Variants in MS4A15 observed in about 807,000 individuals in gnomAD.
The protein encoded by MS4A15 is membrane-spanning 4-domains subfamily A member 15.
In MS4A15, 22 loss-of-function variants were observed where a neutral mutation model predicts 20.6. That is an observed-to-expected ratio of 1.07 (90% confidence interval 0.76 to 1.52). The LOEUF (loss-of-function observed/expected upper bound fraction) is 1.52, where lower values mean the gene tolerates loss of function less well. Among genes scored for constraint, MS4A15 ranks in the 40% most tolerant of loss-of-function variants. The pLI, the probability that MS4A15 is intolerant of heterozygous loss-of-function variation, is 0.00. For missense variants in MS4A15, 312 were observed against 323.0 expected (o/e 0.97, Z 0.26); for synonymous variants, 129 against 129.3 (o/e 1.00, Z 0.02).
Position 60,767,587 on chromosome 11 carries a change from A to G in MS4A15, c.280A>G (p.Met94Val), listed in dbSNP as rs988684191. The change falls in exon 3 of 7, where the codon ATG (methionine) becomes GTG (valine). Residue 94 changes from methionine (M) to valine (V), a missense_variant. By Grantham distance (21) the Met-to-Val change is conservative. Transcript: ENST00000405633. ...CCTAGGCTTTGGCAGCGTGCTGCTC[A>G]TGGTTCGCCGCGGCCACGTGGGCAT... Reference protein sequence around the residue: ...IHLGFGSVLLMVRRGHVGIFF... With the variant: ...IHLGFGSVLLVVRRGHVGIFF... The G allele has an allele frequency of 5.1e-6, 8 of 1,556,380 alleles. No homozygotes were observed. Among genetic ancestry groups the G allele is most frequent in the Non-Finnish European group, 7.0e-6 (8 of 1,149,326 alleles).
chr11:60,759,979 A>C (rs1342795718), intron 1 of MS4A15, among the ~76,000 whole-genome samples: 1 of 152,152 alleles, frequency 6.6e-6, no homozygotes, highest in Non-Finnish European at 1.5e-5. Flanking sequence ...AGTTCCTCGC[A>C]TGCTGAGTGT....
intron 2 of MS4A15, among the ~76,000 whole-genome samples, chr11:60,765,153 G>A (rs1418285396): frequency 1.3e-5 from 2 of 152,012 alleles, no homozygotes; most frequent in Non-Finnish European, 2.9e-5. Flanking sequence ...GCCTTATTTG[G>A]GCATAGTCTG....
At chr11:60,765,340 T>C (rs1853858791) in intron 2 of MS4A15, among the ~76,000 whole-genome samples, 1 of 152,072 alleles carries the variant, frequency 6.6e-6, no homozygotes, top group Admixed American at 6.5e-5. Context: ...TATACACACA[T>C]ATGTAGATTC....
In MS4A15 at chr11:60,775,619, G is replaced by A. The variant is rs1854172487; in HGVS notation, c.627G>A (p.Leu209=). ...TTTCTTTGCAGCCTGTGATCTTCCT[G>A]CCAAACGCCTTCAGCGCAGACTTCA... is the stretch of plus-strand genomic sequence containing the variant. The part of the protein sequence containing the change: ...HAQASAPVIF[L]PNAFSADFNI... Residue 209 remains leucine, a synonymous_variant, in exon 7 of 7, where the codon CTG becomes CTA. Transcript: ENST00000405633. The A allele has an allele frequency of 1.2e-6, 2 of 1,613,824 alleles. No individual in the cohort carries two copies. The highest frequency in any genetic ancestry group is 1.7e-6 in the Non-Finnish European group (2 of 1,179,878).
chr11:60,759,695 C>T (rs866714869), intron 1 of MS4A15, among the ~76,000 whole-genome samples: 2 of 152,064 alleles, frequency 1.3e-5, no homozygotes, highest in East Asian at 3.9e-4. Flanking sequence ...TGGCTGGAGG[C>T]GAGATATGCT....
rs777984348 is a variant in MS4A15 at position 60,773,342 on chromosome 11, C to T, written c.406-50C>T. 7.3e-6 allele frequency: 11 copies of T among 1,516,232 alleles called. No homozygotes were observed. In the East Asian group the frequency reaches 9.5e-5, roughly 13 times the overall value. The allele number at this position is 1,516,232 out of a possible 1,614,324, so 93.9% of individuals were successfully genotyped here. ...AGCTGAGCCACAGCCCCTGCCTTTTCTCCTTCTCTTTGCCTATTCCCTCTG... is the reference window on the plus strand; with the variant it reads ...AGCTGAGCCACAGCCCCTGCCTTTTTTCCTTCTCTTTGCCTATTCCCTCTG... On this transcript the variant is annotated intron_variant, in intron 4 of 6. Transcript: ENST00000405633.
chr11:60,763,756 A>G lies in MS4A15; in HGVS notation c.23A>G (p.Asn8Ser). 1 of 1,612,150 alleles carries G rather than the reference A, an allele frequency of 6.2e-7. No individual in the cohort carries two copies. Among genetic ancestry groups the G allele is most frequent in the Non-Finnish European group, 8.5e-7 (1 of 1,179,880 alleles). Residue 8 changes from asparagine (N) to serine (S), a missense_variant, in exon 2 of 7, where the codon AAT becomes AGT. Coordinates refer to ENST00000405633, the MANE Select transcript of MS4A15 (RefSeq NM_001098835.2). ...ACGATGTCTGCAGCTCCCGCCAGCA[A>G]TGGAGTGTTTGTTGTCATCCCGCCA... MSAAPAS[N>S]GVFVVIPPNN...
chr11:60,760,281 A>C (rs1296099162), intron 1 of MS4A15, among the ~76,000 whole-genome samples: 1 of 152,254 alleles, frequency 6.6e-6, no homozygotes, highest in Non-Finnish European at 1.5e-5. Context: ...GAACGCCTGC[A>C]GTCTTAAACA....
intron 5 of MS4A15, 117 bp downstream of exon 5, chr11:60,773,601 C>T (rs1417385160): frequency 1.1e-6 from 1 of 894,320 alleles, no homozygotes; most frequent in Non-Finnish European, 1.8e-6. Flanking sequence ...CTGCCAGTCC[C>T]TATAGACCCC....
In MS4A15 at chr11:60,763,954, TG is replaced by T; in HGVS notation, c.225+1del. The T allele has an allele frequency of 1.2e-6, 2 of 1,611,440 alleles. No individual in the cohort carries two copies. The highest frequency in any genetic ancestry group is 1.9e-4 in the Middle Eastern group (1 of 5,240). ...ETFLTGEPKV[L>X]GTVQILIGLI... Reference sequence around the variant, plus strand: ...TTCCTGACAGGAGAGCCCAAAGTTTTGGGGGTAAGAACAGCCTCTCTGCACA... The same window carrying T: ...TTCCTGACAGGAGAGCCCAAAGTTTTGGGGTAAGAACAGCCTCTCTGCACA... On this transcript the variant is annotated frameshift_variant, in exon 2 of 7. Transcript: ENST00000405633. LOFTEE classifies it high-confidence loss of function.
intron 1 of MS4A15, among the ~76,000 whole-genome samples, chr11:60,757,779 T>C (rs983018575): frequency 6.6e-6 from 1 of 152,204 alleles, no homozygotes. Context: ...CGGGTGGCCG[T>C]GTCCTCAACG....
intron 2 of MS4A15, 62 bp downstream of exon 2, chr11:60,764,020 C>G: frequency 6.9e-7 from 1 of 1,453,996 alleles, no homozygotes; most frequent in Non-Finnish European, 9.4e-7. Flanking sequence ...CCGGAACATT[C>G]ATGCATGTTT....
At chr11:60,761,311 C>T (rs1418820126) in intron 1 of MS4A15, among the ~76,000 whole-genome samples, 1 of 152,292 alleles carries the variant, frequency 6.6e-6, no homozygotes, top group Admixed American at 6.5e-5. Flanking sequence ...TCTTTACTAT[C>T]AGTGTAAAAG....
rs185284193 is a variant in MS4A15 at position 60,776,597 on chromosome 11, G to A, written c.*882G>A. 7.2e-5 allele frequency: 11 copies of A among 152,386 alleles called. No individual in the cohort carries two copies. The East Asian group carries it at 2.1e-3, about 29-fold the overall frequency. The allele number at this position is 152,386 out of a possible 1,614,324, so 9.4% of individuals were successfully genotyped here. On this transcript the variant is annotated 3_prime_UTR_variant, in exon 7 of 7. Transcript: ENST00000405633. ...GCCCAAGGACAAGGCTACCACAGAA[G>A]GTTACCACAGGACCTGGGCTTCGTC...
intron 3 of MS4A15, among the ~76,000 whole-genome samples, chr11:60,769,683 T>A (rs567796106): frequency 6.6e-6 from 1 of 152,220 alleles, no homozygotes; most frequent in South Asian, 2.1e-4. Context: ...CACCTCCTCA[T>A]CTCAGCAAAT....
chr11:60,759,871 A>G (rs7113444), intron 1 of MS4A15, among the ~76,000 whole-genome samples: 267 of 151,532 alleles, frequency 1.8e-3, no homozygotes, highest in African/African-American at 6.1e-3. Flanking sequence ...CCCCACCATC[A>G]CCCTGTTCAC....
intron 3 of MS4A15, among the ~76,000 whole-genome samples, chr11:60,769,124 C>T (rs1358789794): frequency 1.3e-5 from 2 of 152,140 alleles, no homozygotes; most frequent in East Asian, 3.8e-4. Context: ...TCCTGCCAGG[C>T]TTTATCACAA....
At chr11:60,768,704 G>A (rs1410668825) in intron 3 of MS4A15, among the ~76,000 whole-genome samples, 1 of 152,230 alleles carries the variant, frequency 6.6e-6, no homozygotes, top group African/African-American at 2.4e-5. Flanking sequence ...GTTTGCAGAG[G>A]AAATCGAGAG....
intron 2 of MS4A15, among the ~76,000 whole-genome samples, chr11:60,766,547 G>A (rs895885180): frequency 6.6e-6 from 1 of 152,206 alleles, no homozygotes; most frequent in Non-Finnish European, 1.5e-5. Context: ...TCTATCCACA[G>A]GGGAAAGATC....
Sources: allele counts gnomAD v4.1 joint callset (sites outside exome capture counted in the v4.1 genomes callset), GRCh38; gene constraint gnomAD v4.1.1; transcripts MANE v1.5; gene names NCBI Gene and HGNC (gene_info 2026-07-23, HGNC 2026-07-21).